The following SIPA1L2 variants were observed in gnomAD, a reference collection of about 807,000 sequenced individuals.
The protein encoded by SIPA1L2 is signal-induced proliferation-associated 1-like protein 2.
SIPA1L2 carries 56 observed loss-of-function variants against 163.9 expected under a neutral mutation model. The ratio of observed to expected loss-of-function variants is 0.34; its 90% confidence interval spans 0.28 to 0.43. The LOEUF is 0.43. Among genes scored for constraint, SIPA1L2 ranks in the 20% least tolerant of loss-of-function variants. The pLI, the probability that SIPA1L2 is intolerant of heterozygous loss-of-function variation, is 1.00. For missense variants in SIPA1L2, 1,974 were observed against 2,193.5 expected (o/e 0.90, Z 2.00); for synonymous variants, 877 against 865.7 (o/e 1.01, Z -0.23).
chr1:232,411,981 T>A (rs930863160), intron 19 of SIPA1L2, among the ~76,000 whole-genome samples: 1 of 152,240 alleles, frequency 6.6e-6, no homozygotes, highest in African/African-American at 2.4e-5. Flanking sequence ...GGGAGCTTAC[T>A]GAGTCCTTAT....
At chr1:232,414,746 G>A (rs1381572449) in intron 19 of SIPA1L2, among the ~76,000 whole-genome samples, 3 of 152,184 alleles carry the variant, frequency 2.0e-5, no homozygotes, top group Non-Finnish European at 2.9e-5. Flanking sequence ...AGAATGCAGC[G>A]GCAAAGGGCA....
At position 232,595,657 on chromosome 1, in the gene SIPA1L2, T is replaced by C. The variant is rs916840492; in HGVS notation, c.-318-21435A>G. On this transcript the variant is annotated intron_variant, in intron 1 of 22. Transcript: ENST00000674635. ...CAAAGAGGATTTCAGATTCCTGACTTTCATATGAACTGTCTAACTTTCAAT... is the reference window on the plus strand; with the variant it reads ...CAAAGAGGATTTCAGATTCCTGACTCTCATATGAACTGTCTAACTTTCAAT... 6.6e-5 allele frequency among the ~76,000 whole-genome samples: 10 copies of C among 152,332 alleles called. 1 individual carries two copies. The highest frequency in any genetic ancestry group is 3.9e-4 in the East Asian group (2 of 5,174).
At position 232,425,187 on chromosome 1, in the gene SIPA1L2, T is replaced by C. The variant is rs373116289; in HGVS notation, c.4630+402A>G. On this transcript the variant is annotated intron_variant, in intron 18 of 22. Transcript: ENST00000674635. ...CAGGTACTGAACTGCACGAAGAAAC[T>C]GAAGGCTAGAAAACCAGATGTCCCT... Among the ~76,000 whole-genome samples, 162 of 152,052 alleles carry C rather than the reference T, an allele frequency of 1.1e-3. 7 individuals carry two copies. In the East Asian group the frequency reaches 0.02, roughly 19 times the overall value.
At chr1:232,428,272 A>G (rs1662018254) in intron 17 of SIPA1L2, 139 bp downstream of exon 17, 1 of 648,932 alleles carries the variant, frequency 1.5e-6, no homozygotes, top group African/African-American at 1.9e-5. Flanking sequence ...ACGGTCAACT[A>G]TGTGCAGTGA....
At position 232,609,539 on chromosome 1, in the gene SIPA1L2, C is replaced by T. The variant is rs16857778; in HGVS notation, c.-319+20330G>A. Among the ~76,000 whole-genome samples the T allele has an allele frequency of 5.4e-3, 826 of 152,104 alleles. 2 individuals are homozygous for T. The highest frequency in any genetic ancestry group is 0.019 in the African/African-American group (777 of 41,520). On this transcript the variant is annotated intron_variant, in intron 1 of 22. Coordinates refer to ENST00000674635, the MANE Select transcript of SIPA1L2 (RefSeq NM_020808.5). The stretch of plus-strand genomic sequence containing the variant: ...GAGTAGATAAATTATCAAGCAAGAA[C>T]GAAGCAAGCGGCTGGGCATAGTGGC...
chr1:232,438,008 C>T (rs1662668212), intron 15 of SIPA1L2, among the ~76,000 whole-genome samples: 1 of 151,964 alleles, frequency 6.6e-6, no homozygotes, highest in Non-Finnish European at 1.5e-5. Flanking sequence ...TTGTTGTTTA[C>T]ATAAGCCCCA....
rs531384383 is a variant in SIPA1L2 at position 232,567,429 on chromosome 1, C to T, written c.-270+6745G>A. Among the ~76,000 whole-genome samples the T allele has an allele frequency of 1.6e-4, 25 of 152,050 alleles. No homozygotes were observed. In the South Asian group the frequency reaches 2.9e-3, roughly 18 times the overall value. ...TGGGAAACCTTACTCATAATATAATCAAGATATATAATAAATTATTGTCAT... is the reference window on the plus strand; with the variant it reads ...TGGGAAACCTTACTCATAATATAATTAAGATATATAATAAATTATTGTCAT... On this transcript the variant is annotated intron_variant, in intron 2 of 22. Transcript: ENST00000674635.
intron 1 of SIPA1L2, among the ~76,000 whole-genome samples, chr1:232,626,762 A>G (rs1663099062): frequency 6.6e-6 from 1 of 152,248 alleles, no homozygotes; most frequent in Non-Finnish European, 1.5e-5. Context: ...CATGAAAAAT[A>G]TAAACATCCC....
intron 1 of SIPA1L2, among the ~76,000 whole-genome samples, chr1:232,610,161 G>A (rs1345443752): frequency 1.3e-5 from 2 of 152,104 alleles, no homozygotes; most frequent in Non-Finnish European, 2.9e-5. Flanking sequence ...AATAAAAATT[G>A]AGGTTTTAAA....
At chr1:232,486,289 A>G (rs1192279134) in intron 5 of SIPA1L2, among the ~76,000 whole-genome samples, 2 of 152,194 alleles carry the variant, frequency 1.3e-5, no homozygotes, top group Non-Finnish European at 2.9e-5. Context: ...TCATTCAGGC[A>G]AAGGCCAAAC....
intron 11 of SIPA1L2, 40 bp from the exon 12 acceptor site, chr1:232,443,725 A>G (rs769200110): frequency 1.9e-6 from 3 of 1,548,096 alleles, no homozygotes; most frequent in South Asian, 1.2e-5. Context: ...GCACTGAACT[A>G]TCTGCCAAGC....
chr1:232,477,345 A>G (rs1665097983), intron 7 of SIPA1L2, among the ~76,000 whole-genome samples: 1 of 152,212 alleles, frequency 6.6e-6, no homozygotes, highest in Non-Finnish European at 1.5e-5. Context: ...ACTAAAACTT[A>G]GTTCCATGCC....
At chr1:232,493,386 C>T (rs892615462) in intron 4 of SIPA1L2, 141 bp downstream of exon 4, 5 of 1,141,720 alleles carry the variant, frequency 4.4e-6, no homozygotes, top group African/African-American at 3.1e-5. Context: ...TACTGCAATG[C>T]CCTTTTTAAT....
chr1:232,462,290 G>C (rs1462064805), intron 9 of SIPA1L2: 11 of 1,549,902 alleles, frequency 7.1e-6, no homozygotes, highest in Non-Finnish European at 7.8e-6. Flanking sequence ...CAAGTTGGGA[G>C]GTATCATACT....
intron 2 of SIPA1L2, among the ~76,000 whole-genome samples, chr1:232,524,939 C>A (rs1260235111): frequency 6.6e-6 from 1 of 152,056 alleles, no homozygotes; most frequent in African/African-American, 2.4e-5. Flanking sequence ...TACATATATA[C>A]AAATAAACTT....
Position 232,443,588 on chromosome 1 carries a change from A to C in SIPA1L2, c.3437+14T>G. On this transcript the variant is annotated intron_variant, in intron 12 of 22. Coordinates refer to ENST00000674635, the MANE Select transcript of SIPA1L2 (RefSeq NM_020808.5). ...TTCCTCCCAGTGGATAACTAAGATA[A>C]AAATGAACAGTACCCGTCGTAGCCC... is the stretch of plus-strand genomic sequence containing the variant. 2 of 1,561,352 alleles carry C rather than the reference A, an allele frequency of 1.3e-6. No individual in the cohort carries two copies. Among genetic ancestry groups the C allele is most frequent in the Non-Finnish European group, 1.7e-6 (2 of 1,151,756 alleles).
chr1:232,414,106 G>GCAGA (rs1264324812), intron 19 of SIPA1L2, among the ~76,000 whole-genome samples: 3 of 152,182 alleles, frequency 2.0e-5, no homozygotes, highest in Non-Finnish European at 2.9e-5. Flanking sequence ...TCCCCACAAG[G>GCAGA]CAGACAGGCA....
At chr1:232,613,361 C>T (rs931115427) in intron 1 of SIPA1L2, among the ~76,000 whole-genome samples, 3 of 152,174 alleles carry the variant, frequency 2.0e-5, no homozygotes, top group East Asian at 1.9e-4. Flanking sequence ...ACCCTTTATA[C>T]TGACTTTTTA....
At chr1:232,485,304 C>G (rs975569066) in intron 5 of SIPA1L2, among the ~76,000 whole-genome samples, 6 of 152,276 alleles carry the variant, frequency 3.9e-5, no homozygotes, top group Non-Finnish European at 2.9e-5. Flanking sequence ...AGGAGATCCC[C>G]AACTGCATAG....
Sources: allele counts gnomAD v4.1 joint callset (sites outside exome capture counted in the v4.1 genomes callset), GRCh38; gene constraint gnomAD v4.1.1; transcripts MANE v1.5; gene names NCBI Gene and HGNC (gene_info 2026-07-23, HGNC 2026-07-21).